The following ARHGAP31 variants were observed in gnomAD, a reference collection of about 807,000 sequenced individuals.
ARHGAP31 encodes the protein rho GTPase-activating protein 31.
ARHGAP31 carries 34 observed loss-of-function variants against 113.9 expected under a neutral mutation model. That is an observed-to-expected ratio of 0.30 (90% confidence interval 0.23 to 0.40). The LOEUF (loss-of-function observed/expected upper bound fraction) is 0.40. Among genes scored for constraint, ARHGAP31 ranks in the 10% least tolerant of loss-of-function variants. ARHGAP31 has a pLI of 1.00. For synonymous variants in ARHGAP31, 650 were observed against 684.8 expected (o/e 0.95, Z 0.79); for missense variants, 1,548 against 1,767.1 (o/e 0.88, Z 2.22).
rs1399051563 is a variant in ARHGAP31 at position 119,415,547 on chromosome 3, G to C, written c.3618G>C (p.Lys1206Asn). The change falls in exon 12 of 12, where the codon AAG becomes AAC. Residue 1206 changes from lysine to asparagine, a missense_variant. Physicochemically the swap from Lys to Asn is moderately conservative, Grantham distance 94. Coordinates refer to ENST00000264245, the MANE Select transcript of ARHGAP31 (RefSeq NM_020754.4). ...GGGCGGTCCCAGTCATCCCTCCCAA[G>C]ATTCAGTACACCCAGATCCCACAGC... ...QARAVPVIPP[K>N]IQYTQIPQPL... is the part of the protein sequence containing the mutation. 1 of 1,614,024 alleles carries C rather than the reference G, an allele frequency of 6.2e-7. No homozygotes were observed. Among genetic ancestry groups the C allele is most frequent in the African/African-American group, 1.3e-5 (1 of 74,912 alleles).
chr3:119,323,369 C>T (rs2079810672), intron 1 of ARHGAP31, among the ~76,000 whole-genome samples: 2 of 152,218 alleles, frequency 1.3e-5, no homozygotes, highest in Admixed American at 6.5e-5. Flanking sequence ...CTTCTCGCGC[C>T]CCAGGGCTGC....
At chr3:119,299,781 G>A (rs1309109007) in intron 1 of ARHGAP31, among the ~76,000 whole-genome samples, 8 of 152,194 alleles carry the variant, frequency 5.3e-5, no homozygotes, top group East Asian at 1.9e-4. Flanking sequence ...AAGAAAATTC[G>A]CAAGTTTTGA....
intron 1 of ARHGAP31, among the ~76,000 whole-genome samples, chr3:119,308,624 T>G (rs901458969): frequency 6.6e-6 from 1 of 152,198 alleles, no homozygotes; most frequent in Admixed American, 6.5e-5. Flanking sequence ...CAGGACACTA[T>G]CCCTATCTCA....
rs1201442900 is a variant in ARHGAP31, at chr3:119,383,074, C to T, written c.540-10C>T. Reference sequence around the variant, plus strand: ...ACTCACTAACTGAATATGTTTCTTCCACACGGTAGGTCTAAAGAAATTGAA... The same window carrying T: ...ACTCACTAACTGAATATGTTTCTTCTACACGGTAGGTCTAAAGAAATTGAA... On this transcript the variant is annotated splice_polypyrimidine_tract_variant and intron_variant, in intron 5 of 11. Transcript: ENST00000264245. The T allele has an allele frequency of 4.3e-6, 7 of 1,614,016 alleles. No homozygotes were observed. Among genetic ancestry groups the T allele is most frequent in the Non-Finnish European group, 5.9e-6 (7 of 1,180,028 alleles).
intron 9 of ARHGAP31, among the ~76,000 whole-genome samples, chr3:119,399,977 C>A (rs1177837901): frequency 1.3e-5 from 2 of 152,202 alleles, no homozygotes; most frequent in African/African-American, 4.8e-5. Flanking sequence ...AGCACCATTA[C>A]AAATTACAAG....
At chr3:119,394,590 G>A (rs1475871791) in intron 8 of ARHGAP31, among the ~76,000 whole-genome samples, 2 of 152,062 alleles carry the variant, frequency 1.3e-5, no homozygotes, top group African/African-American at 4.8e-5. Flanking sequence ...TGAAACCAAG[G>A]TGTAAAAGAG....
At chr3:119,318,425 C>T (rs561995715) in intron 1 of ARHGAP31, among the ~76,000 whole-genome samples, 54 of 152,296 alleles carry the variant, frequency 3.5e-4, no homozygotes, top group African/African-American at 1.3e-3. Flanking sequence ...AGAGGTTGTG[C>T]TCTGATCTTT....
At chr3:119,390,719 G>A in intron 6 of ARHGAP31, 66 bp from the exon 7 acceptor site, 1 of 1,524,668 alleles carries the variant, frequency 6.6e-7, no homozygotes, top group East Asian at 2.3e-5. Flanking sequence ...GACTGTGGAT[G>A]GGGAATCTGG....
intron 8 of ARHGAP31, among the ~76,000 whole-genome samples, chr3:119,398,021 CTT>C (rs1384536873): frequency 2.0e-5 from 3 of 152,158 alleles, no homozygotes; most frequent in African/African-American, 7.2e-5. Flanking sequence ...TTAGCTGTCA[CTT>C]TGGGAGGCCA....
chr3:119,363,626 G>T (rs2080228825), intron 1 of ARHGAP31, among the ~76,000 whole-genome samples: 1 of 152,168 alleles, frequency 6.6e-6, no homozygotes, highest in Non-Finnish European at 1.5e-5. Flanking sequence ...CAAGGGAAAG[G>T]AATGCTTAGA....
intron 1 of ARHGAP31, among the ~76,000 whole-genome samples, chr3:119,339,242 A>G (rs1559972552): frequency 6.6e-6 from 1 of 152,222 alleles, no homozygotes; most frequent in Non-Finnish European, 1.5e-5. Context: ...CAATAGTTTC[A>G]GGCATTAGCT....
intron 1 of ARHGAP31, among the ~76,000 whole-genome samples, chr3:119,337,321 A>C (rs1287114143): frequency 1.3e-5 from 2 of 152,054 alleles, no homozygotes; most frequent in South Asian, 2.1e-4. Flanking sequence ...ACAGTTCATA[A>C]AGTTGGCGCG....
intron 1 of ARHGAP31, among the ~76,000 whole-genome samples, chr3:119,317,770 A>G (rs886210873): frequency 5.9e-5 from 9 of 152,190 alleles, no homozygotes; most frequent in Non-Finnish European, 8.8e-5. Context: ...GTAATTTAGA[A>G]TTTCTGAAGT....
intron 1 of ARHGAP31, among the ~76,000 whole-genome samples, chr3:119,318,994 G>A (rs1225755633): frequency 6.6e-6 from 1 of 151,860 alleles, no homozygotes; most frequent in African/African-American, 2.4e-5. Context: ...AATAAGCAAC[G>A]CTGCTGGTCT....
chr3:119,383,948 T>G (rs1476080940), intron 6 of ARHGAP31, among the ~76,000 whole-genome samples: 1 of 152,246 alleles, frequency 6.6e-6, no homozygotes, highest in African/African-American at 2.4e-5. Flanking sequence ...AAACCAAGGT[T>G]ACTGGACATC....
intron 1 of ARHGAP31, among the ~76,000 whole-genome samples, chr3:119,323,216 C>T (rs1345023862): frequency 6.6e-6 from 1 of 152,168 alleles, no homozygotes; most frequent in Non-Finnish European, 1.5e-5. Context: ...CCCTCGGGGA[C>T]GGCTGAGTCA....
intron 1 of ARHGAP31, among the ~76,000 whole-genome samples, chr3:119,318,612 C>A (rs1163874319): frequency 6.6e-6 from 1 of 152,168 alleles, no homozygotes; most frequent in Non-Finnish European, 1.5e-5. Context: ...ACAGTTCTCT[C>A]TTTTCTTGGC....
In ARHGAP31 at chr3:119,402,148, T is replaced by C. The variant is rs2080616132; in HGVS notation, c.1396T>C (p.Phe466Leu). 1.2e-6 allele frequency: 2 copies of C among 1,614,272 alleles called. No homozygotes were observed. ...TSNDSPSKSV[F>L]TSSLFQMEPS... ...GAACGACAGCCCTAGCAAATCCGTC[T>C]TCACCAGCAGCCTCTTCCAGATGGA... Residue 466 changes from phenylalanine (F) to leucine (L), a missense_variant, in exon 10 of 12, where the codon TTC becomes CTC. Transcript: ENST00000264245.
chr3:119,362,661 G>A (rs537838424), intron 1 of ARHGAP31, among the ~76,000 whole-genome samples: 8 of 151,960 alleles, frequency 5.3e-5, no homozygotes, highest in South Asian at 2.1e-4. Flanking sequence ...CCTTCTACTC[G>A]GGAGGCTGAG....
Sources: allele counts gnomAD v4.1 joint callset (sites outside exome capture counted in the v4.1 genomes callset), GRCh38; gene constraint gnomAD v4.1.1; transcripts MANE v1.5; gene names NCBI Gene and HGNC (gene_info 2026-07-23, HGNC 2026-07-21).